The following DCLK1 variants were observed in gnomAD, a reference collection of about 807,000 sequenced individuals.
DCLK1 encodes the protein doublecortin like kinase 1.
Under a neutral mutation model 86.2 loss-of-function variants are expected in DCLK1, and 16 were observed. The observed-to-expected ratio is 0.19, with a 90% CI of 0.13 to 0.28. The LOEUF (loss-of-function observed/expected upper bound fraction) is 0.28. DCLK1 is among the 10% of genes least tolerant of loss of function. DCLK1 has a pLI of 1.00. For synonymous variants in DCLK1, 369 were observed against 370.5 expected (o/e 1.00, Z 0.05); for missense variants, 590 against 940.2 (o/e 0.63, Z 4.87).
chr13:35,871,988 A>C (rs1872302511), intron 4 of DCLK1, among the ~76,000 whole-genome samples: 1 of 152,220 alleles, frequency 6.6e-6, no homozygotes, highest in African/African-American at 2.4e-5. Context: ...TGAGGATAAG[A>C]AACAACTTCA....
chr13:35,952,363 C>T (rs1394615679), intron 3 of DCLK1, among the ~76,000 whole-genome samples: 1 of 152,190 alleles, frequency 6.6e-6, no homozygotes, highest in East Asian at 1.9e-4. Flanking sequence ...TTTGAATTAG[C>T]ATCAGAGAAT....
At chr13:35,949,552 T>A (rs746183277) in intron 3 of DCLK1, among the ~76,000 whole-genome samples, 1 of 152,216 alleles carries the variant, frequency 6.6e-6, no homozygotes, top group African/African-American at 2.4e-5. Flanking sequence ...AACATTCTGA[T>A]GATGTATCTC....
chr13:36,007,632 T>C (rs1053420310), intron 3 of DCLK1, among the ~76,000 whole-genome samples: 1 of 152,206 alleles, frequency 6.6e-6, no homozygotes, highest in African/African-American at 2.4e-5. Context: ...GAATATTGAA[T>C]ATATTCTATT....
intron 3 of DCLK1, among the ~76,000 whole-genome samples, chr13:36,098,234 A>G (rs999460705): frequency 3.3e-5 from 5 of 152,318 alleles, no homozygotes; most frequent in African/African-American, 9.6e-5. Context: ...TGGAATGCCA[A>G]TTACTCAGCA....
intron 4 of DCLK1, among the ~76,000 whole-genome samples, chr13:35,920,074 C>T (rs963366198): frequency 2.0e-5 from 3 of 152,128 alleles, no homozygotes; most frequent in South Asian, 2.1e-4. Context: ...GTGTGATCCT[C>T]GTGTTTCAAA....
At chr13:35,849,732 C>T (rs34708437) in intron 6 of DCLK1, 202,546 of 984,474 alleles carry the variant, frequency 0.21, 21,405 homozygotes, top group Middle Eastern at 0.25. Context: ...AAAACACCAG[C>T]AAGATTGAGA....
chr13:35,924,064 C>G (rs1444822417), intron 4 of DCLK1, among the ~76,000 whole-genome samples: 3 of 152,134 alleles, frequency 2.0e-5, no homozygotes, highest in African/African-American at 7.2e-5. Context: ...GCCTTTGACT[C>G]CCATCTCTCC....
intron 3 of DCLK1, 65 bp from the exon 4 acceptor site, chr13:35,947,522 A>G: frequency 7.6e-7 from 1 of 1,322,514 alleles, no homozygotes; most frequent in Non-Finnish European, 1.1e-6. Context: ...ATGCAACCCC[A>G]CGAGCAGACA....
chr13:36,111,448 T>C (rs1440075498), intron 3 of DCLK1, among the ~76,000 whole-genome samples: 2 of 152,160 alleles, frequency 1.3e-5, no homozygotes, highest in Non-Finnish European at 2.9e-5. Flanking sequence ...TAGCGAACAC[T>C]ACAAAGACTT....
chr13:35,901,604 G>C (rs913707539), intron 4 of DCLK1, among the ~76,000 whole-genome samples: 2 of 151,428 alleles, frequency 1.3e-5, no homozygotes, highest in Admixed American at 6.6e-5. Context: ...AGGTTTGGTA[G>C]TTAAAAGTGG....
At chr13:35,988,812 T>G (rs564122445) in intron 3 of DCLK1, among the ~76,000 whole-genome samples, 1 of 152,308 alleles carries the variant, frequency 6.6e-6, no homozygotes, top group African/African-American at 2.4e-5. Context: ...CTTGAACTAT[T>G]AGTTTAACCC....
At chr13:36,074,003 G>A (rs1297714442) in intron 3 of DCLK1, among the ~76,000 whole-genome samples, 1 of 151,986 alleles carries the variant, frequency 6.6e-6, no homozygotes, top group Non-Finnish European at 1.5e-5. Flanking sequence ...TTTGTTTTTT[G>A]TTTTAATTGG....
intron 4 of DCLK1, among the ~76,000 whole-genome samples, chr13:35,926,069 T>C (rs968762590): frequency 6.6e-6 from 1 of 152,064 alleles, no homozygotes; most frequent in African/African-American, 2.4e-5. Flanking sequence ...TTTTTTTTTT[T>C]TTTTCCTGAG....
At chr13:35,920,146 A>G (rs1425746427) in intron 4 of DCLK1, among the ~76,000 whole-genome samples, 1 of 152,204 alleles carries the variant, frequency 6.6e-6, no homozygotes, top group African/African-American at 2.4e-5. Flanking sequence ...TTCTCCTGAT[A>G]TAAATGTATA....
At chr13:36,080,104 G>C (rs1172500385) in intron 3 of DCLK1, among the ~76,000 whole-genome samples, 1 of 135,634 alleles carries the variant, frequency 7.4e-6, no homozygotes, top group East Asian at 2.3e-4. Context: ...CAACAAAGGA[G>C]TTATGGAAAA....
chr13:35,919,786 C>T (rs1277149640), intron 4 of DCLK1, among the ~76,000 whole-genome samples: 1 of 151,120 alleles, frequency 6.6e-6, no homozygotes, highest in African/African-American at 2.4e-5. Flanking sequence ...CACAGTGAGA[C>T]CCCACCCCTC....
intron 3 of DCLK1, among the ~76,000 whole-genome samples, chr13:36,070,091 G>T (rs1439144867): frequency 1.3e-5 from 2 of 152,138 alleles, no homozygotes; most frequent in African/African-American, 4.8e-5. Context: ...CTCCAAGGAA[G>T]CTCAGAATAT....
intron 10 of DCLK1, among the ~76,000 whole-genome samples, chr13:35,825,718 T>C (rs755825427): frequency 6.6e-6 from 1 of 152,194 alleles, no homozygotes; most frequent in Non-Finnish European, 1.5e-5. Context: ...CTGGGGAAAG[T>C]ATAATTTACA....
At chr13:35,833,810 T>C (rs1428172257) in intron 8 of DCLK1, among the ~76,000 whole-genome samples, 1 of 152,192 alleles carries the variant, frequency 6.6e-6, no homozygotes, top group African/African-American at 2.4e-5. Context: ...TTCTGATACC[T>C]CTGGGGACAG....
Sources: gnomAD v4.1 joint callset for allele counts (sites outside exome capture counted in the v4.1 genomes callset) on GRCh38, gnomAD v4.1.1 for gene constraint, MANE v1.5 for transcripts, NCBI Gene and HGNC (gene_info 2026-07-23, HGNC 2026-07-21) for gene names.